Variants in M1AP observed in about 807,000 individuals in gnomAD.
M1AP encodes meiosis 1 arrest protein.
A neutral mutation model predicts 51.2 loss-of-function variants in M1AP; 39 were observed. The observed-to-expected ratio is 0.76, with a 90% CI of 0.59 to 1.00. The LOEUF (loss-of-function observed/expected upper bound fraction) is 1.00. M1AP is among the 50% of genes least tolerant of loss of function. The pLI is 0.00. For synonymous variants in M1AP, 251 were observed against 249.2 expected (o/e 1.01, Z -0.07); for missense variants, 545 against 641.2 (o/e 0.85, Z 1.62).
At chr2:74,610,300 C>T (rs1681259784) in intron 3 of M1AP, among the ~76,000 whole-genome samples, 2 of 152,196 alleles carry the variant, frequency 1.3e-5, no homozygotes, top group Non-Finnish European at 2.9e-5. Flanking sequence ...TGAGCCACTG[C>T]ACCTGGCCCA....
At chr2:74,572,258 T>C (rs752750944) in intron 7 of M1AP, among the ~76,000 whole-genome samples, 4 of 152,216 alleles carry the variant, frequency 2.6e-5, no homozygotes, top group Non-Finnish European at 5.9e-5. Flanking sequence ...GTAGGGAATT[T>C]AGCAAAGAAG....
intron 2 of M1AP, among the ~76,000 whole-genome samples, chr2:74,634,208 T>C (rs983094659): frequency 1.3e-5 from 2 of 152,168 alleles, no homozygotes; most frequent in African/African-American, 4.8e-5. Context: ...TAGAGCGATT[T>C]GTCTGAATTG....
intron 4 of M1AP, among the ~76,000 whole-genome samples, chr2:74,599,389 C>A (rs1467090200): frequency 6.6e-6 from 1 of 151,780 alleles, no homozygotes; most frequent in Non-Finnish European, 1.5e-5. Context: ...TAAAGTTTTA[C>A]ATTTTACTTT....
chr2:74,615,501 G>T, intron 2 of M1AP: 1 of 236,856 alleles, frequency 4.2e-6, no homozygotes, highest in South Asian at 6.6e-5. Context: ...GTTCACCTTA[G>T]ACATCATCTT....
chr2:74,600,051 A>G (rs1680589807), intron 4 of M1AP, among the ~76,000 whole-genome samples: 1 of 152,140 alleles, frequency 6.6e-6, no homozygotes. Context: ...GGTATGAGCC[A>G]TCACACCTGG....
At chr2:74,576,832 T>G in intron 5 of M1AP, 4 of 1,317,934 alleles carry the variant, frequency 3.0e-6, no homozygotes, top group East Asian at 2.8e-5. Context: ...ATAGTATCTC[T>G]ATCGCTCTAC....
chr2:74,595,410 G>A (rs1680272283), intron 4 of M1AP, among the ~76,000 whole-genome samples: 1 of 152,084 alleles, frequency 6.6e-6, no homozygotes, highest in Admixed American at 6.5e-5. Context: ...GGAGTGCAGT[G>A]GCATGATCAT....
chr2:74,574,245 G>C (rs1385395174), intron 7 of M1AP, among the ~76,000 whole-genome samples: 1 of 152,168 alleles, frequency 6.6e-6, no homozygotes, highest in East Asian at 1.9e-4. Flanking sequence ...TGTTGTGTTA[G>C]TTTCATGTGA....
intron 3 of M1AP, among the ~76,000 whole-genome samples, chr2:74,612,776 A>G (rs2104729158): frequency 6.6e-6 from 1 of 152,222 alleles, no homozygotes; most frequent in East Asian, 1.9e-4. Flanking sequence ...GTTGTTCAGG[A>G]GCATGTGGTT....
chr2:74,591,881 G>A (rs747509515), intron 4 of M1AP, among the ~76,000 whole-genome samples: 2 of 152,100 alleles, frequency 1.3e-5, no homozygotes, highest in African/African-American at 2.4e-5. Flanking sequence ...CATCTCCCAG[G>A]TTCAAGTGAT....
intron 7 of M1AP, among the ~76,000 whole-genome samples, chr2:74,569,159 A>C (rs1678565454): frequency 6.6e-6 from 1 of 152,230 alleles, no homozygotes; most frequent in African/African-American, 2.4e-5. Flanking sequence ...GAATTTCTTC[A>C]GAGAATTAGA....
chr2:74,620,298 G>A (rs1207353673), intron 2 of M1AP, among the ~76,000 whole-genome samples: 1 of 152,208 alleles, frequency 6.6e-6, no homozygotes, highest in Non-Finnish European at 1.5e-5. Context: ...CAATGCCAAG[G>A]ACTCGAAAGA....
intron 7 of M1AP, among the ~76,000 whole-genome samples, chr2:74,565,626 A>G (rs1048292963): frequency 1.3e-5 from 2 of 152,114 alleles, no homozygotes; most frequent in Admixed American, 6.5e-5. Context: ...CAGGAGTTCA[A>G]GACCAGCCTG....
intron 4 of M1AP, among the ~76,000 whole-genome samples, chr2:74,585,782 T>C (rs363684): frequency 2.3e-3 from 346 of 152,328 alleles, no homozygotes; most frequent in African/African-American, 8.0e-3. Context: ...GCTAAACTTT[T>C]TTTCCATTTT....
At chr2:74,589,071 C>T (rs1229412056) in intron 4 of M1AP, among the ~76,000 whole-genome samples, 6 of 152,132 alleles carry the variant, frequency 3.9e-5, no homozygotes, top group Admixed American at 6.5e-5. Flanking sequence ...TGTGCACGCG[C>T]GCGCGTGCAT....
chr2:74,634,891 T>C (rs767170501), intron 2 of M1AP, among the ~76,000 whole-genome samples: 1 of 152,206 alleles, frequency 6.6e-6, no homozygotes, highest in African/African-American at 2.4e-5. Flanking sequence ...TTCTATTTTT[T>C]AATATTTTGT....
In M1AP at chr2:74,571,540, G is replaced by A. The variant is rs75636403; in HGVS notation, c.1074+3898C>T. On this transcript the variant is annotated intron_variant, in intron 7 of 10. Transcript: ENST00000421985. ...GGCAAACTTGTAAAAATAGGCTTAG[G>A]AGGTTAAAACCCTAAATAAGTCTCG... Among the ~76,000 whole-genome samples the A allele has an allele frequency of 2.3e-3, 345 of 152,336 alleles. 1 individual carries two copies. The highest frequency in any genetic ancestry group is 7.0e-3 in the African/African-American group (292 of 41,568).
intron 5 of M1AP, among the ~76,000 whole-genome samples, chr2:74,580,322 T>A (rs1558657582): frequency 6.6e-6 from 1 of 152,150 alleles, no homozygotes; most frequent in African/African-American, 2.4e-5. Context: ...CTGCCTTAAG[T>A]AGGGAAAACA....
At chr2:74,635,434 C>A (rs1682931677) in intron 2 of M1AP, among the ~76,000 whole-genome samples, 1 of 151,966 alleles carries the variant, frequency 6.6e-6, no homozygotes, top group Non-Finnish European at 1.5e-5. Flanking sequence ...AAAGAATCAA[C>A]TTCTTTTCAT....
Sources: allele counts gnomAD v4.1 joint callset (sites outside exome capture counted in the v4.1 genomes callset), GRCh38; gene constraint gnomAD v4.1.1; transcripts MANE v1.5; gene names NCBI Gene and HGNC (gene_info 2026-07-23, HGNC 2026-07-21).